The following ERICH1 variants were observed in gnomAD, a reference collection of about 807,000 sequenced individuals.
ERICH1 encodes glutamate-rich protein 1.
ERICH1 carries 56 observed loss-of-function variants against 39.6 expected under a neutral mutation model. The ratio of observed to expected loss-of-function variants is 1.41; its 90% CI spans 1.14 to 1.77. The LOEUF is 1.77. Among genes scored for constraint, ERICH1 ranks in the 40% most tolerant of loss-of-function variants. The pLI, the probability that ERICH1 is intolerant of heterozygous loss-of-function variation, is 0.00. For synonymous variants in ERICH1, 313 were observed against 223.6 expected, an observed-to-expected ratio of 1.40 and a Z score of -3.57; for missense variants, 826 against 575.4, an observed-to-expected ratio of 1.44 and a Z score of -4.45.
At chr8:642,173 C>T (rs547468343) in intron 3 of ERICH1, among the ~76,000 whole-genome samples, 1 of 152,162 alleles carries the variant, frequency 6.6e-6, no homozygotes, top group Non-Finnish European at 1.5e-5. Context: ...GGCCCACCAT[C>T]CCAGCACTTA....
At chr8:677,087 C>T (rs899516725) in intron 3 of ERICH1, among the ~76,000 whole-genome samples, 1 of 152,250 alleles carries the variant, frequency 6.6e-6, no homozygotes, top group African/African-American at 2.4e-5. Flanking sequence ...AGGGCCTGCC[C>T]GCATGCTGGA....
chr8:723,631 C>G (rs1817863881), intron 1 of ERICH1, among the ~76,000 whole-genome samples: 1 of 152,198 alleles, frequency 6.6e-6, no homozygotes, highest in South Asian at 2.1e-4. Flanking sequence ...TAGCTGATCT[C>G]TTTTTCATCC....
chr8:655,551 G>A (rs998400620), intron 3 of ERICH1, among the ~76,000 whole-genome samples: 1 of 152,134 alleles, frequency 6.6e-6, no homozygotes, highest in Non-Finnish European at 1.5e-5. Context: ...GGGACCCAGG[G>A]GCCGAGTGGA....
chr8:652,650 A>C (rs1800121238), intron 3 of ERICH1, among the ~76,000 whole-genome samples: 1 of 152,244 alleles, frequency 6.6e-6, no homozygotes, highest in African/African-American at 2.4e-5. Context: ...TGTTGAGCTT[A>C]CAGGGTGTCT....
intron 1 of ERICH1, among the ~76,000 whole-genome samples, chr8:724,379 T>C (rs748005151): frequency 1.5e-4 from 23 of 152,230 alleles, no homozygotes; most frequent in Non-Finnish European, 3.1e-4. Context: ...CTTGTAGTTT[T>C]TTAACCAGCA....
intron 3 of ERICH1, among the ~76,000 whole-genome samples, chr8:654,422 G>A (rs1330745470): frequency 6.6e-6 from 1 of 152,148 alleles, no homozygotes; most frequent in Non-Finnish European, 1.5e-5. Context: ...CCTCCTCGAG[G>A]GGCTACGGTG....
chr8:719,622 G>T (rs1390079031), intron 1 of ERICH1, among the ~76,000 whole-genome samples: 1 of 152,188 alleles, frequency 6.6e-6, no homozygotes. Context: ...ACTAATTCTG[G>T]CATCCGCTGG....
intron 1 of ERICH1, among the ~76,000 whole-genome samples, chr8:728,868 A>G (rs1819390125): frequency 6.6e-6 from 1 of 152,196 alleles, no homozygotes; most frequent in Non-Finnish European, 1.5e-5. Context: ...ACATTGTTAC[A>G]GGGAAACTGT....
intron 1 of ERICH1, among the ~76,000 whole-genome samples, chr8:718,775 A>C (rs1816624249): frequency 6.6e-6 from 1 of 152,126 alleles, no homozygotes; most frequent in South Asian, 2.1e-4. Context: ...GGACCACAGA[A>C]CCCCAAGGCC....
chr8:713,610 C>T (rs1815263215), intron 2 of ERICH1, among the ~76,000 whole-genome samples: 1 of 152,014 alleles, frequency 6.6e-6, no homozygotes, highest in Non-Finnish European at 1.5e-5. Flanking sequence ...GCTTTCTGAG[C>T]CGGCCTGGAA....
intron 3 of ERICH1, chr8:637,392 C>T (rs985610614): frequency 1.3e-5 from 2 of 152,302 alleles, no homozygotes; most frequent in Admixed American, 6.5e-5. Flanking sequence ...TGTGTCTCCT[C>T]TCATGCTGCC....
At chr8:633,043 A>C (rs937429463) in intron 3 of ERICH1, among the ~76,000 whole-genome samples, 9 of 152,176 alleles carry the variant, frequency 5.9e-5, no homozygotes, top group Non-Finnish European at 1.0e-4. Context: ...GTGGCCTGAG[A>C]AACGCACAAC....
intron 2 of ERICH1, among the ~76,000 whole-genome samples, chr8:713,909 G>A (rs1317737224): frequency 6.6e-6 from 1 of 152,110 alleles, no homozygotes; most frequent in East Asian, 1.9e-4. Context: ...AGACTTATGT[G>A]TTTACTGGGG....
chr8:668,914 G>T, intron 4 of ERICH1, 122 bp from the exon 5 acceptor site: 1 of 858,750 alleles, frequency 1.2e-6, no homozygotes, highest in Non-Finnish European at 1.7e-6. Context: ...GACATATCTG[G>T]GAGATGAGAA....
intron 3 of ERICH1, among the ~76,000 whole-genome samples, chr8:690,708 G>A (rs527975138): frequency 8.5e-5 from 13 of 152,398 alleles, no homozygotes; most frequent in African/African-American, 3.1e-4. Flanking sequence ...GCAAGGTCCT[G>A]AGTGTGAATG....
rs149908890 is a variant in ERICH1, at chr8:631,858, C to T, written c.977-16574G>A. On this transcript the variant is annotated intron_variant, in intron 3 of 3. Transcript: ENST00000522706. Reference sequence around the variant, plus strand: ...TTTGCAGGTGCCGCCCCCCGACCCCCGCCCCAGGCCTTTGCTCAGTCAATG... The same window carrying T: ...TTTGCAGGTGCCGCCCCCCGACCCCTGCCCCAGGCCTTTGCTCAGTCAATG... Among the ~76,000 whole-genome samples, 535 of 152,156 alleles carry T rather than the reference C, an allele frequency of 3.5e-3. 1 individual carries two copies. Among genetic ancestry groups the T allele is most frequent in the Middle Eastern group, 0.02 (6 of 294 alleles).
intron 3 of ERICH1, among the ~76,000 whole-genome samples, chr8:684,007 T>C (rs1017297359): frequency 1.3e-5 from 2 of 152,268 alleles, no homozygotes; most frequent in South Asian, 2.1e-4. Flanking sequence ...TTATGTTTCA[T>C]GTTTACATGT....
At chr8:627,911 G>C (rs1039827764) in intron 3 of ERICH1, among the ~76,000 whole-genome samples, 2 of 152,160 alleles carry the variant, frequency 1.3e-5, no homozygotes, top group Non-Finnish European at 2.9e-5. Context: ...GTCCCCTCGG[G>C]AAGGGGAGGC....
At chr8:660,076 C>T (rs985245290), downstream of ERICH1, among the ~76,000 whole-genome samples, 2 of 152,194 alleles carry the variant, frequency 1.3e-5, no homozygotes, top group African/African-American at 2.4e-5. Context: ...GCTGAGGCAA[C>T]GAGGTGGGGC....
Sources: gnomAD v4.1 joint callset for allele counts (sites outside exome capture counted in the v4.1 genomes callset) on GRCh38, gnomAD v4.1.1 for gene constraint, MANE v1.5 for transcripts, NCBI Gene and HGNC (gene_info 2026-07-23, HGNC 2026-07-21) for gene names.